NLRP3: variants seen among roughly 807,000 people sequenced by gnomAD.
The protein encoded by NLRP3 is NLR family pyrin domain containing 3, also known as NACHT, LRR and PYD domains-containing protein 3.
NLRP3 carries 48 observed loss-of-function variants against 91.3 expected under a neutral mutation model. That is an observed-to-expected ratio of 0.53 (90% CI 0.42 to 0.67). NLRP3 has a LOEUF of 0.67. NLRP3 is among the 30% of genes least tolerant of loss of function. The pLI is 0.00. For synonymous variants in NLRP3, 561 were observed against 507.9 expected (o/e 1.10, Z -1.41); for missense variants, 982 against 1,276.9 (o/e 0.77, Z 3.52).
At chr1:247,428,955 T>C (rs1270618167) in intron 4 of NLRP3, among the ~76,000 whole-genome samples, 1 of 151,320 alleles carries the variant, frequency 6.6e-6, no homozygotes, top group Non-Finnish European at 1.5e-5. Flanking sequence ...TGCTGTGGCA[T>C]GATCTTGGCT....
Position 247,437,100 on chromosome 1 carries a change from G to C in NLRP3, c.2663+960G>C, listed in dbSNP as rs369369488. 1.2e-4 allele frequency among the ~76,000 whole-genome samples: 18 copies of C among 152,342 alleles called. No individual in the cohort carries two copies. In the South Asian group the frequency reaches 3.5e-3, roughly 30 times the overall value. ...CCTTAATTCCCAGTGCATTGCCTTAGGAGATGTTGCTAATGGGCTCTCTAC... is the reference window on the plus strand; with the variant it reads ...CCTTAATTCCCAGTGCATTGCCTTACGAGATGTTGCTAATGGGCTCTCTAC... On this transcript the variant is annotated intron_variant, in intron 7 of 9. Coordinates refer to ENST00000336119, the MANE Select transcript of NLRP3 (RefSeq NM_001243133.2).
chr1:247,423,556 A>C (rs1195362741), intron 3 of NLRP3, among the ~76,000 whole-genome samples: 1 of 152,142 alleles, frequency 6.6e-6, no homozygotes, highest in African/African-American at 2.4e-5. Context: ...GCGGTGATTA[A>C]GCGTTTCAAG....
intron 4 of NLRP3, among the ~76,000 whole-genome samples, chr1:247,426,835 T>C (rs1572177786): frequency 6.6e-6 from 1 of 152,016 alleles, no homozygotes; most frequent in East Asian, 1.9e-4. Context: ...TCAGCCAGCT[T>C]CCGGAGGATG....
chr1:247,426,706 C>T (rs919270244), intron 4 of NLRP3, among the ~76,000 whole-genome samples: 6 of 152,152 alleles, frequency 3.9e-5, no homozygotes, highest in East Asian at 1.9e-4. Flanking sequence ...TGGGACAGTC[C>T]GGAAACAAGT....
intron 7 of NLRP3, among the ~76,000 whole-genome samples, chr1:247,437,249 A>G (rs927544086): frequency 6.6e-6 from 1 of 152,224 alleles, no homozygotes; most frequent in African/African-American, 2.4e-5. Flanking sequence ...TGACAATAAT[A>G]TCTACAAATA....
intron 4 of NLRP3, among the ~76,000 whole-genome samples, chr1:247,428,282 T>C (rs1663053044): frequency 6.6e-6 from 1 of 151,352 alleles, no homozygotes; most frequent in Admixed American, 6.6e-5. Context: ...GGAGCCCTGG[T>C]AGGGGGCTCA....
rs576921263 is a variant in NLRP3 at position 247,420,915 on chromosome 1, C to G, written c.277+1838C>G. Among the ~76,000 whole-genome samples the G allele has an allele frequency of 2.0e-5, 3 of 152,270 alleles. No homozygotes were observed. The East Asian group carries it at 5.8e-4, about 29-fold the overall frequency. On this transcript the variant is annotated intron_variant, in intron 2 of 9. Transcript: ENST00000336119. Reference sequence around the variant, plus strand: ...ATCTCAGCAGTGCCTAGACCTGCCTCCAATTCTCCATCCAGCTTCTCAGAC... The same window carrying G: ...ATCTCAGCAGTGCCTAGACCTGCCTGCAATTCTCCATCCAGCTTCTCAGAC...
In NLRP3 at chr1:247,418,532, G is replaced by A; in HGVS notation, c.-269G>A. ...GGCCAGGCTGGTCTTGAATTCCTCA[G>A]CTCAGGTGATCTGCCTGCCTTGGCC... On this transcript the variant is annotated 5_prime_UTR_variant, in exon 2 of 10. Coordinates refer to ENST00000336119, the MANE Select transcript of NLRP3 (RefSeq NM_001243133.2). The A allele has an allele frequency of 2.2e-6, 1 of 453,198 alleles. No homozygotes were observed. The highest frequency in any genetic ancestry group is 2.1e-5 in the South Asian group (1 of 48,028). 28.1% of individuals were successfully genotyped at this position (453,198 alleles called of 1,614,324 possible).
chr1:247,434,323 C>A, intron 6 of NLRP3, 50 bp downstream of exon 6: 1 of 1,604,752 alleles, frequency 6.2e-7, no homozygotes. Context: ...AGGCGTGCTG[C>A]GCACTCTGGC....
chr1:247,445,208 T>A (rs542013489), intron 9 of NLRP3, among the ~76,000 whole-genome samples: 27 of 152,284 alleles, frequency 1.8e-4, no homozygotes, highest in East Asian at 1.2e-3. Flanking sequence ...GGATTTATTT[T>A]TTTTTTCCTT....
chr1:247,443,235 TTATTTA>T (rs1397244702), intron 7 of NLRP3, among the ~76,000 whole-genome samples: 1 of 151,792 alleles, frequency 6.6e-6, no homozygotes, highest in Non-Finnish European at 1.5e-5. Context: ...CTGGCCTTAT[TTATTTA>T]TTTATTTAGG....
chr1:247,443,225 C>T (rs1038038366), intron 7 of NLRP3, among the ~76,000 whole-genome samples: 5 of 152,056 alleles, frequency 3.3e-5, no homozygotes, highest in East Asian at 1.9e-4. Context: ...GCCACTGCAC[C>T]TGGCCTTATT....
intron 7 of NLRP3, among the ~76,000 whole-genome samples, chr1:247,443,396 G>A (rs554970996): frequency 2.6e-5 from 4 of 152,254 alleles, no homozygotes; most frequent in East Asian, 3.9e-4. Context: ...GGGGCATTTG[G>A]GGGCGCAGGA....
intron 2 of NLRP3, 80 bp downstream of exon 2, chr1:247,419,157 TATATATA>T: frequency 2.1e-5 from 20 of 934,662 alleles, no homozygotes; most frequent in East Asian, 8.6e-5. Flanking sequence ...TATATATATA[TATATATA>T]TTTTTTTTTG....
intron 5 of NLRP3, among the ~76,000 whole-genome samples, chr1:247,432,693 A>G (rs1307327590): frequency 6.6e-6 from 1 of 152,166 alleles, no homozygotes; most frequent in African/African-American, 2.4e-5. Flanking sequence ...ATTTGCTTGA[A>G]GTTGGTGTAA....
intron 9 of NLRP3, among the ~76,000 whole-genome samples, chr1:247,445,712 G>C (rs1435620594): frequency 2.0e-5 from 3 of 152,076 alleles, no homozygotes; most frequent in Non-Finnish European, 4.4e-5. Context: ...TTCACTGCTT[G>C]GCTTTAAGGC....
chr1:247,443,110 A>C (rs757787902), intron 7 of NLRP3, among the ~76,000 whole-genome samples: 16 of 152,138 alleles, frequency 1.1e-4, no homozygotes, highest in Non-Finnish European at 2.4e-4. Flanking sequence ...TTTTTAGTAG[A>C]GATGGGCTTT....
chr1:247,428,825 T>C (rs1663097031), intron 4 of NLRP3, among the ~76,000 whole-genome samples: 2 of 152,030 alleles, frequency 1.3e-5, no homozygotes, highest in African/African-American at 4.8e-5. Flanking sequence ...TTTAAAAAAT[T>C]CATCTAGTTC....
At chr1:247,426,472 T>A (rs1439298518) in intron 4 of NLRP3, among the ~76,000 whole-genome samples, 4 of 152,108 alleles carry the variant, frequency 2.6e-5, no homozygotes, top group African/African-American at 9.7e-5. Flanking sequence ...GATGTGTGAG[T>A]TTAGCCTGGA....
Sources: allele counts gnomAD v4.1 joint callset (sites outside exome capture counted in the v4.1 genomes callset), GRCh38; gene constraint gnomAD v4.1.1; transcripts MANE v1.5; gene names NCBI Gene and HGNC (gene_info 2026-07-23, HGNC 2026-07-21).